The following CLOCK variants were observed in gnomAD, a reference collection of about 807,000 sequenced individuals.
CLOCK encodes clock circadian regulator, also known as circadian locomoter output cycles protein kaput.
In CLOCK, 43 loss-of-function variants were observed where a neutral mutation model predicts 118.4. That is an observed-to-expected ratio of 0.36 (90% CI 0.28 to 0.47). The LOEUF (loss-of-function observed/expected upper bound fraction) is 0.47. Ranked by LOEUF, CLOCK falls within the 20% of genes least tolerant of loss-of-function variation. The pLI, the probability that CLOCK is intolerant of heterozygous loss-of-function variation, is 1.00. For synonymous variants in CLOCK, 326 were observed against 339.2 expected, an observed-to-expected ratio of 0.96 and a Z score of 0.43; for missense variants, 846 against 999.9, an observed-to-expected ratio of 0.85 and a Z score of 2.08.
At chr4:55,508,594 ATT>A (rs11133393) in intron 2 of CLOCK, among the ~76,000 whole-genome samples, 41 of 146,742 alleles carry the variant, frequency 2.8e-4, no homozygotes, top group Non-Finnish European at 3.1e-4. Flanking sequence ...ACACGGGTAA[ATT>A]TTTTTTTTTT....
rs549738903 is a variant in CLOCK, at chr4:55,540,559, T to G, written c.-290+6223A>C. 3.3e-5 allele frequency: 5 copies of G among 152,322 alleles called. No homozygotes were observed. In the South Asian group the frequency reaches 1.0e-3, roughly 32 times the overall value. The allele number at this position is 152,322 out of a possible 1,614,324, so 9.4% of individuals were successfully genotyped here. ...TGATACCAAAACCTGCCAACATGAA[T>G]CAACCTGTACTTTCATTTTCCACTA... On this transcript the variant is annotated intron_variant, in intron 1 of 22. Transcript: ENST00000513440.
chr4:55,468,705 A>AC (rs1725904348), intron 8 of CLOCK, among the ~76,000 whole-genome samples: 1 of 152,204 alleles, frequency 6.6e-6, no homozygotes, highest in African/African-American at 2.4e-5. Flanking sequence ...AGACATTCTC[A>AC]GTGATTTAAC....
intron 1 of CLOCK, among the ~76,000 whole-genome samples, chr4:55,522,230 C>T (rs1429807647): frequency 6.6e-6 from 1 of 151,994 alleles, no homozygotes; most frequent in Non-Finnish European, 1.5e-5. Flanking sequence ...CTTAAACTAT[C>T]ATAAACCTTA....
In CLOCK at chr4:55,539,255, CAA is replaced by C. The variant is rs869260899; in HGVS notation, c.-290+7525_-290+7526del. Among the ~76,000 whole-genome samples the C allele has an allele frequency of 1.0e-4, 14 of 134,664 alleles. No homozygotes were observed. In the South Asian group the frequency reaches 1.5e-3, roughly 14 times the overall value. The allele number at this position is 134,664 out of a possible 152,430, so 88.3% of individuals were successfully genotyped here. On this transcript the variant is annotated intron_variant, in intron 1 of 22. Coordinates refer to ENST00000513440, the MANE Select transcript of CLOCK (RefSeq NM_004898.4). The stretch of plus-strand genomic sequence containing the variant: ...CTCAAAAAAACAACAACAACAACAA[CAA>C]AAAAAACACCAAAAACCACTTCAAA...
chr4:55,472,683 C>T (rs1355636447), intron 7 of CLOCK, among the ~76,000 whole-genome samples: 1 of 152,048 alleles, frequency 6.6e-6, no homozygotes, highest in African/African-American at 2.4e-5. Flanking sequence ...AGTAACCTTT[C>T]CTAACTCTAT....
intron 9 of CLOCK, among the ~76,000 whole-genome samples, chr4:55,461,390 A>G (rs958298835): frequency 6.6e-6 from 1 of 152,194 alleles, no homozygotes; most frequent in Admixed American, 6.6e-5. Flanking sequence ...TTTCTAGGCC[A>G]GAGATGCTGG....
chr4:55,455,988 T>G lies in CLOCK; in HGVS notation c.891A>C (p.Ile297=). 1 of 1,612,382 alleles carries G rather than the reference T, an allele frequency of 6.2e-7. No homozygotes were observed. Among genetic ancestry groups the G allele is most frequent in the South Asian group, 1.1e-5 (1 of 91,026 alleles). Residue 297 remains isoleucine (I), a synonymous_variant, in exon 13 of 23, where the codon ATA becomes ATC. Transcript: ENST00000513440. ...CCAGAACTTCAAATGGCAAATACCCTATTATGGGTGGTGCCCTAAATTACA... is the reference window on the plus strand; with the variant it reads ...CCAGAACTTCAAATGGCAAATACCCGATTATGGGTGGTGCCCTAAATTACA... ...LFLDHRAPPI[I]GYLPFEVLGT...
intron 1 of CLOCK, among the ~76,000 whole-genome samples, chr4:55,545,065 T>TTTTTTTC: frequency 7.3e-6 from 1 of 136,426 alleles, no homozygotes; most frequent in East Asian, 2.4e-4. Flanking sequence ...TTTTTTTTTT[T>TTTTTTTC]ACTTTTTTTA....
At position 55,435,326 on chromosome 4, in the gene CLOCK, G is replaced by C. The variant is rs1722793146; in HGVS notation, c.*89C>G. The stretch of plus-strand genomic sequence containing the variant: ...AATACTGCATCTCATGAAACTGCTG[G>C]AACTTTCCCTCCTTTCCTCAGGTCA... On this transcript the variant is annotated 3_prime_UTR_variant, in exon 23 of 23. Transcript: ENST00000513440. 5.3e-6 allele frequency: 8 copies of C among 1,496,476 alleles called. No individual in the cohort carries two copies. The highest frequency in any genetic ancestry group is 7.4e-6 in the Non-Finnish European group (8 of 1,076,442). The allele number at this position is 1,496,476 out of a possible 1,614,324, so 92.7% of individuals were successfully genotyped here.
chr4:55,470,635 C>T, intron 8 of CLOCK, 82 bp downstream of exon 8: 2 of 986,296 alleles, frequency 2.0e-6, no homozygotes, highest in Non-Finnish European at 3.2e-6. Context: ...GTACACTGCT[C>T]TCAAAGTCCA....
At chr4:55,489,268 A>T (rs1415988109) in intron 3 of CLOCK, 106 bp downstream of exon 3, 10 of 152,242 alleles carry the variant, frequency 6.6e-5, no homozygotes, top group African/African-American at 1.2e-4. Flanking sequence ...AAATTTTTTT[A>T]AATTAAACTT....
intron 11 of CLOCK, among the ~76,000 whole-genome samples, chr4:55,456,965 C>T (rs1038705014): frequency 3.3e-5 from 5 of 151,986 alleles, no homozygotes; most frequent in African/African-American, 1.2e-4. Context: ...TAGGCATAAG[C>T]CAAAATGCAG....
At chr4:55,534,903 A>C (rs544117014) in intron 1 of CLOCK, among the ~76,000 whole-genome samples, 1 of 151,608 alleles carries the variant, frequency 6.6e-6, no homozygotes, top group South Asian at 2.1e-4. Context: ...ACAAAATCTC[A>C]GCAGCCTTTT....
At chr4:55,481,707 T>TC (rs35115774) in intron 4 of CLOCK, among the ~76,000 whole-genome samples, 88,845 of 151,906 alleles carry the variant, frequency 0.58, 27,582 homozygotes, top group South Asian at 0.81. Flanking sequence ...TCTTAAAGAA[T>TC]CCCAATGGAT....
At chr4:55,441,677 C>T (rs1307212576) in intron 21 of CLOCK, among the ~76,000 whole-genome samples, 1 of 152,114 alleles carries the variant, frequency 6.6e-6, no homozygotes, top group Non-Finnish European at 1.5e-5. Flanking sequence ...GGGAGCTAAG[C>T]TATGGGTACA....
chr4:55,546,680 C>T (rs1731661933), intron 1 of CLOCK, 102 bp downstream of exon 1: 2 of 145,924 alleles, frequency 1.4e-5, no homozygotes, highest in Non-Finnish European at 3.0e-5. Flanking sequence ...CTCCCCCTCC[C>T]TTCCCTTCCC....
At chr4:55,507,991 T>C (rs562478036) in intron 2 of CLOCK, among the ~76,000 whole-genome samples, 2 of 152,008 alleles carry the variant, frequency 1.3e-5, no homozygotes, top group South Asian at 4.1e-4. Context: ...AGATTCAGAG[T>C]GGTAAATGTG....
intron 1 of CLOCK, among the ~76,000 whole-genome samples, chr4:55,515,846 G>T (rs533600386): frequency 1.3e-5 from 2 of 151,958 alleles, no homozygotes. Context: ...GTTGCATCCC[G>T]CATATTTTGT....
intron 7 of CLOCK, among the ~76,000 whole-genome samples, chr4:55,471,968 G>T (rs1726170910): frequency 6.6e-6 from 1 of 152,146 alleles, no homozygotes; most frequent in African/African-American, 2.4e-5. Flanking sequence ...CAGCTGCTTG[G>T]GAGGCTGAGG....
Sources: allele counts gnomAD v4.1 joint callset (sites outside exome capture counted in the v4.1 genomes callset), GRCh38; gene constraint gnomAD v4.1.1; transcripts MANE v1.5; gene names NCBI Gene and HGNC (gene_info 2026-07-23, HGNC 2026-07-21).